RARB: variants seen among roughly 807,000 people sequenced by gnomAD.
The protein encoded by RARB is HBV-activated protein.
A neutral mutation model predicts 51.9 loss-of-function variants in RARB; 17 were observed. The ratio of observed to expected loss-of-function variants is 0.33; its 90% CI spans 0.22 to 0.49. The LOEUF is 0.49. RARB is among the 20% of genes least tolerant of loss of function. The probability of loss-of-function intolerance (pLI) is 0.99; values close to 1 mark genes in which losing one functional copy is unlikely to be tolerated. For synonymous variants in RARB, 215 were observed against 195.4 expected (o/e 1.10, Z -0.84); for missense variants, 369 against 550.8 (o/e 0.67, Z 3.30).
intron 5 of RARB, among the ~76,000 whole-genome samples, chr3:25,271,363 A>G (rs1703253353): frequency 6.6e-6 from 1 of 152,206 alleles, no homozygotes; most frequent in Non-Finnish European, 1.5e-5. Context: ...GGATAAGCAT[A>G]CCAATGTCTC....
chr3:25,242,079 C>T (rs1182460753), intron 5 of RARB, among the ~76,000 whole-genome samples: 2 of 152,190 alleles, frequency 1.3e-5, no homozygotes, highest in Non-Finnish European at 2.9e-5. Flanking sequence ...AGCTTCTTTT[C>T]ATATGTTTTT....
At chr3:24,982,497 A>C (rs1696699964) in intron 2 of RARB, among the ~76,000 whole-genome samples, 1 of 151,982 alleles carries the variant, frequency 6.6e-6, no homozygotes, top group Non-Finnish European at 1.5e-5. Context: ...AGTGGAGTAG[A>C]ATGGGGTAGT....
intron 5 of RARB, among the ~76,000 whole-genome samples, chr3:25,316,275 A>C (rs9862270): frequency 7.2e-5 from 11 of 152,158 alleles, no homozygotes; most frequent in African/African-American, 2.7e-4. Context: ...CATAATTGAC[A>C]GAGCATGCCA....
chr3:25,189,889 A>G (rs1472921295), intron 5 of RARB, among the ~76,000 whole-genome samples: 1 of 152,138 alleles, frequency 6.6e-6, no homozygotes, highest in African/African-American at 2.4e-5. Context: ...TGTCTCAAAA[A>G]GGAACAGGAA....
rs1298296392 is a variant in RARB, at chr3:24,945,529, C to T, written c.-380+86777C>T. On this transcript the variant is annotated intron_variant, in intron 2 of 11. Coordinates refer to the RARB transcript ENST00000383772. ...ATTCAAACAAGAATTCATGAAGCAG[C>T]TTGCCTCTCTCCTGTGATTCTTTCT... is the stretch of plus-strand genomic sequence containing the variant. Among the ~76,000 whole-genome samples the T allele has an allele frequency of 3.3e-5, 5 of 152,226 alleles. No individual in the cohort carries two copies. The South Asian group carries it at 1.0e-3, about 32-fold the overall frequency.
intron 5 of RARB, among the ~76,000 whole-genome samples, chr3:25,244,218 G>A (rs1375347969): frequency 6.7e-6 from 1 of 149,394 alleles, no homozygotes; most frequent in Admixed American, 6.7e-5. Context: ...TTATTAGTCT[G>A]GCTAGCAGTC....
At chr3:25,172,720 G>T (rs1404774763) in intron 4 of RARB, among the ~76,000 whole-genome samples, 1 of 152,170 alleles carries the variant, frequency 6.6e-6, no homozygotes, top group African/African-American at 2.4e-5. Flanking sequence ...AGCTTGTTGT[G>T]AGAAGCATAT....
intron 2 of RARB, among the ~76,000 whole-genome samples, chr3:24,996,043 G>A (rs1450696566): frequency 6.6e-6 from 1 of 151,938 alleles, no homozygotes; most frequent in African/African-American, 2.4e-5. Flanking sequence ...GTTATTAATT[G>A]TTCTTTAAAA....
At chr3:25,020,226 C>A (rs1302142717) in intron 2 of RARB, 5 of 151,636 alleles carry the variant, frequency 3.3e-5, no homozygotes, top group African/African-American at 1.2e-4. Context: ...CAGGCATGAT[C>A]CCACTGCTGA....
At chr3:25,479,325 G>T (rs751597267) in intron 2 of RARB, among the ~76,000 whole-genome samples, 1 of 152,150 alleles carries the variant, frequency 6.6e-6, no homozygotes, top group Non-Finnish European at 1.5e-5. Flanking sequence ...AATGAAAGGT[G>T]TCTTACTCTA....
intron 3 of RARB, among the ~76,000 whole-genome samples, chr3:25,541,542 C>T (rs1699380076): frequency 1.3e-5 from 2 of 152,268 alleles, no homozygotes; most frequent in South Asian, 4.1e-4. Flanking sequence ...GATTCTTTTG[C>T]ATCATCTTGC....
At chr3:25,491,926 G>C (rs1449685884) in intron 2 of RARB, among the ~76,000 whole-genome samples, 1 of 135,098 alleles carries the variant, frequency 7.4e-6, no homozygotes, top group Non-Finnish European at 1.5e-5. Flanking sequence ...GGGCAACAAA[G>C]TGAGACTCTG....
intron 5 of RARB, among the ~76,000 whole-genome samples, chr3:25,193,277 G>A (rs575115884): frequency 1.3e-5 from 2 of 151,954 alleles, no homozygotes; most frequent in Non-Finnish European, 2.9e-5. Flanking sequence ...AGAGAAAATT[G>A]TATTCTCATA....
intron 3 of RARB, among the ~76,000 whole-genome samples, chr3:25,115,627 T>C (rs1254646044): frequency 6.6e-6 from 1 of 151,780 alleles, no homozygotes; most frequent in African/African-American, 2.4e-5. Context: ...CCTTTTTCTT[T>C]TTTTTCCTTT....
chr3:25,133,624 T>C (rs879560195), intron 4 of RARB, among the ~76,000 whole-genome samples: 3 of 152,032 alleles, frequency 2.0e-5, no homozygotes, highest in Admixed American at 2.0e-4. Flanking sequence ...TTTCTTAACT[T>C]TATACCTATT....
At chr3:24,945,044 A>G (rs1049391836) in intron 2 of RARB, among the ~76,000 whole-genome samples, 3 of 152,238 alleles carry the variant, frequency 2.0e-5, no homozygotes. Flanking sequence ...CACATGGGGA[A>G]CAGTGACCTA....
intron 2 of RARB, among the ~76,000 whole-genome samples, chr3:24,964,508 T>C (rs1696212203): frequency 6.6e-6 from 1 of 152,170 alleles, no homozygotes; most frequent in Admixed American, 6.5e-5. Context: ...TTCTAACCCT[T>C]TTAACATTCA....
intron 1 of RARB, among the ~76,000 whole-genome samples, chr3:25,454,402 C>G (rs149197956): frequency 1.7e-3 from 263 of 152,340 alleles, no homozygotes; most frequent in African/African-American, 6.1e-3. Context: ...TGCTCTTCTT[C>G]CTTAATTAGC....
chr3:25,133,115 A>G (rs977657904), intron 4 of RARB, among the ~76,000 whole-genome samples: 3 of 151,952 alleles, frequency 2.0e-5, no homozygotes, highest in Non-Finnish European at 2.9e-5. Flanking sequence ...TTTAGATTTA[A>G]TTTAGACATT....
Sources: gnomAD v4.1 joint callset for allele counts (sites outside exome capture counted in the v4.1 genomes callset) on GRCh38, gnomAD v4.1.1 for gene constraint, MANE v1.5 for transcripts, NCBI Gene and HGNC (gene_info 2026-07-23, HGNC 2026-07-21) for gene names.